The following VEPH1 variants were observed in gnomAD, a reference collection of about 807,000 sequenced individuals.
VEPH1 encodes the protein ventricular zone-expressed PH domain-containing protein homolog 1.
In VEPH1, 80 loss-of-function variants were observed where a neutral mutation model predicts 85.2. The observed-to-expected ratio is 0.94, with a 90% CI of 0.78 to 1.13. The LOEUF is 1.13. Ranked by LOEUF, VEPH1 falls within the 50% of genes most tolerant of loss-of-function variation. VEPH1 has a pLI of 0.00. For synonymous variants in VEPH1, 297 were observed against 348.0 expected (o/e 0.85, Z 1.63); for missense variants, 955 against 980.5 (o/e 0.97, Z 0.35).
chr3:157,304,141 G>T, intron 11 of VEPH1, among the ~76,000 whole-genome samples: 1 of 150,296 alleles, frequency 6.7e-6, no homozygotes, highest in Non-Finnish European at 1.5e-5. Context: ...CAAAACACTA[G>T]ATCTAAGCCT....
intron 12 of VEPH1, among the ~76,000 whole-genome samples, chr3:157,270,614 G>T (rs1177131870): frequency 2.6e-5 from 4 of 152,004 alleles, no homozygotes; most frequent in African/African-American, 9.7e-5. Flanking sequence ...ATAATAACAG[G>T]TCTCCCAGAG....
chr3:157,430,298 T>C (rs569554968), intron 4 of VEPH1, among the ~76,000 whole-genome samples: 1 of 152,336 alleles, frequency 6.6e-6, no homozygotes, highest in African/African-American at 2.4e-5. Context: ...TTTTGGATGC[T>C]TTAAAATTTT....
chr3:157,286,878 T>C (rs889034168), intron 11 of VEPH1, among the ~76,000 whole-genome samples: 4 of 152,164 alleles, frequency 2.6e-5, no homozygotes, highest in Non-Finnish European at 4.4e-5. Flanking sequence ...TATTCATAAA[T>C]GCAGCGGGAG....
At chr3:157,267,855 G>T (rs1713954152) in intron 12 of VEPH1, among the ~76,000 whole-genome samples, 1 of 152,174 alleles carries the variant, frequency 6.6e-6, no homozygotes, top group African/African-American at 2.4e-5. Context: ...ATAGAATAGG[G>T]AGTAAGTGAC....
intron 9 of VEPH1, among the ~76,000 whole-genome samples, chr3:157,328,527 A>G (rs1273748457): frequency 6.6e-6 from 1 of 152,196 alleles, no homozygotes; most frequent in East Asian, 1.9e-4. Flanking sequence ...ATCCCATTCT[A>G]TACAATGAGA....
chr3:157,485,228 G>T (rs1738510668), intron 2 of VEPH1, among the ~76,000 whole-genome samples: 1 of 152,036 alleles, frequency 6.6e-6, no homozygotes, highest in Non-Finnish European at 1.5e-5. Context: ...CATTTTAAAT[G>T]GATATTTAAC....
chr3:157,408,581 A>T (rs983926318), intron 6 of VEPH1, among the ~76,000 whole-genome samples: 2 of 152,152 alleles, frequency 1.3e-5, no homozygotes, highest in Middle Eastern at 3.2e-3. Context: ...GGAGAAAAAG[A>T]CATTAACCTG....
chr3:157,494,153 A>C (rs1035855795), intron 2 of VEPH1, among the ~76,000 whole-genome samples: 4 of 152,206 alleles, frequency 2.6e-5, no homozygotes, highest in African/African-American at 4.8e-5. Context: ...TCAGCATGTT[A>C]ATGGCAGCCA....
At chr3:157,360,572 A>G (rs1328225723) in intron 9 of VEPH1, among the ~76,000 whole-genome samples, 1 of 152,104 alleles carries the variant, frequency 6.6e-6, no homozygotes, top group Non-Finnish European at 1.5e-5. Context: ...CCCCATTGTA[A>G]GTTGAAAATC....
chr3:157,491,455 T>A (rs1739204449), intron 2 of VEPH1, among the ~76,000 whole-genome samples: 1 of 152,188 alleles, frequency 6.6e-6, no homozygotes, highest in Non-Finnish European at 1.5e-5. Flanking sequence ...CTTAAAGGTA[T>A]GTTTGGGAAC....
At chr3:157,280,366 T>C (rs1261640323) in intron 12 of VEPH1, among the ~76,000 whole-genome samples, 1 of 152,170 alleles carries the variant, frequency 6.6e-6, no homozygotes, top group Admixed American at 6.5e-5. Flanking sequence ...TGTTAGTGGA[T>C]AATCACAGAA....
chr3:157,402,579 A>G (rs964841834), intron 6 of VEPH1, among the ~76,000 whole-genome samples: 2 of 152,040 alleles, frequency 1.3e-5, no homozygotes, highest in Non-Finnish European at 2.9e-5. Flanking sequence ...AGAAAGGTTT[A>G]TTTTCTACTT....
chr3:157,413,646 C>T, intron 6 of VEPH1: 1 of 985,316 alleles, frequency 1.0e-6, no homozygotes, highest in Non-Finnish European at 1.2e-6. Context: ...GATTCAGAGG[C>T]CATTGTCCAT....
rs117672692 is a variant in VEPH1 at position 157,385,554 on chromosome 3, T to A, written c.907-4178A>T. The stretch of plus-strand genomic sequence containing the variant: ...AATCACATTTTCAAAAACAAAAAAT[T>A]TAGTGAGAAGACTGGCATTCCTCTA... On this transcript the variant is annotated intron_variant, in intron 6 of 13. Coordinates refer to ENST00000362010, the MANE Select transcript of VEPH1 (RefSeq NM_001167912.2). Among the ~76,000 whole-genome samples, 17 of 152,276 alleles carry A rather than the reference T, an allele frequency of 1.1e-4. No homozygotes were observed. In the East Asian group the frequency reaches 3.1e-3, roughly 28 times the overall value.
intron 11 of VEPH1, among the ~76,000 whole-genome samples, chr3:157,304,535 A>G (rs925308568): frequency 6.6e-6 from 1 of 152,098 alleles, no homozygotes; most frequent in African/African-American, 2.4e-5. Flanking sequence ...TTCCCTCTGA[A>G]GTGTTGGGTA....
intron 9 of VEPH1, among the ~76,000 whole-genome samples, chr3:157,362,165 G>A (rs2108767050): frequency 6.6e-6 from 1 of 152,202 alleles, no homozygotes; most frequent in South Asian, 2.1e-4. Flanking sequence ...CGAGTAGCTA[G>A]GATTATAAGC....
intron 5 of VEPH1, among the ~76,000 whole-genome samples, chr3:157,417,916 C>T (rs1223561942): frequency 6.6e-6 from 1 of 152,154 alleles, no homozygotes; most frequent in Admixed American, 6.6e-5. Flanking sequence ...AGAGATGTCT[C>T]TCAGCCCCCA....
chr3:157,285,347 T>TG (rs1235547958), intron 12 of VEPH1: 1 of 152,158 alleles, frequency 6.6e-6, no homozygotes, highest in Non-Finnish European at 1.5e-5. Flanking sequence ...ACCTTTTCCG[T>TG]GGGGTAATAC....
At chr3:157,328,917 G>A (rs1487601443) in intron 9 of VEPH1, among the ~76,000 whole-genome samples, 1 of 152,114 alleles carries the variant, frequency 6.6e-6, no homozygotes, top group Non-Finnish European at 1.5e-5. Flanking sequence ...AAGAATCTGA[G>A]GCTCAAAGAT....
Sources: allele counts gnomAD v4.1 joint callset (sites outside exome capture counted in the v4.1 genomes callset), GRCh38; gene constraint gnomAD v4.1.1; transcripts MANE v1.5; gene names NCBI Gene and HGNC (gene_info 2026-07-23, HGNC 2026-07-21).